Variants in DGKI observed in about 807,000 individuals in gnomAD.
DGKI encodes the protein diacylglycerol kinase iota, also known as DAG kinase iota.
In DGKI, 55 loss-of-function variants were observed where a neutral mutation model predicts 147.5. The ratio of observed to expected loss-of-function variants is 0.37; its 90% CI spans 0.30 to 0.47. DGKI has a LOEUF of 0.47. DGKI is among the 20% of genes least tolerant of loss of function. The pLI, the probability that DGKI is intolerant of heterozygous loss-of-function variation, is 1.00. For missense variants in DGKI, 1,007 were observed against 1,323.8 expected, an observed-to-expected ratio of 0.76 and a Z score of 3.71; for synonymous variants, 469 against 477.1, an observed-to-expected ratio of 0.98 and a Z score of 0.22.
intron 20 of DGKI, among the ~76,000 whole-genome samples, chr7:137,538,040 G>A (rs1817576281): frequency 6.6e-6 from 1 of 152,106 alleles, no homozygotes; most frequent in Non-Finnish European, 1.5e-5. Context: ...TCAAGTAAAT[G>A]TTAGAACAAA....
At chr7:137,692,141 C>G (rs1823636874) in intron 1 of DGKI, among the ~76,000 whole-genome samples, 1 of 152,126 alleles carries the variant, frequency 6.6e-6, no homozygotes, top group South Asian at 2.1e-4. Flanking sequence ...AGTGATCTTT[C>G]ATCTCAAAAC....
At chr7:137,654,248 G>A (rs576159393) in intron 5 of DGKI, among the ~76,000 whole-genome samples, 2 of 152,188 alleles carry the variant, frequency 1.3e-5, no homozygotes, top group Middle Eastern at 3.4e-3. Context: ...TAGGTGAGAC[G>A]CCCAAGATCA....
chr7:137,660,893 GA>G (rs1384308102), intron 3 of DGKI, among the ~76,000 whole-genome samples: 7 of 151,934 alleles, frequency 4.6e-5, no homozygotes, highest in Admixed American at 3.3e-4. Context: ...GAAAGGAGAA[GA>G]GGGGTGGGTC....
intron 27 of DGKI, among the ~76,000 whole-genome samples, chr7:137,444,746 A>G (rs1563022829): frequency 1.3e-5 from 2 of 152,210 alleles, no homozygotes. Flanking sequence ...TGATAATCAG[A>G]TCTCAAATGA....
intron 1 of DGKI, among the ~76,000 whole-genome samples, chr7:137,845,073 C>G (rs1798669850): frequency 6.6e-6 from 1 of 152,216 alleles, no homozygotes; most frequent in Non-Finnish European, 1.5e-5. Context: ...AAGAAAGATC[C>G]ATTTGGACCT....
intron 21 of DGKI, among the ~76,000 whole-genome samples, chr7:137,508,646 G>A (rs1020216478): frequency 1.3e-5 from 2 of 152,046 alleles, no homozygotes; most frequent in Non-Finnish European, 2.9e-5. Context: ...TCTGCTCCCA[G>A]ACTCATGCCA....
intron 12 of DGKI, among the ~76,000 whole-genome samples, chr7:137,587,880 A>G (rs1377580458): frequency 6.6e-6 from 1 of 152,200 alleles, no homozygotes; most frequent in East Asian, 1.9e-4. Context: ...GGAAATTGAT[A>G]CTTATATACT....
intron 21 of DGKI, among the ~76,000 whole-genome samples, chr7:137,504,726 A>G (rs1277956813): frequency 6.6e-6 from 1 of 152,206 alleles, no homozygotes; most frequent in Non-Finnish European, 1.5e-5. Flanking sequence ...TATGCATAGT[A>G]TTAAGAAACC....
At chr7:137,687,830 G>A (rs548286778) in intron 2 of DGKI, among the ~76,000 whole-genome samples, 5 of 152,134 alleles carry the variant, frequency 3.3e-5, no homozygotes, top group South Asian at 2.1e-4. Context: ...TAAGTGTTTC[G>A]TGTCATGCCA....
At chr7:137,522,388 G>GA (rs1204009402) in intron 20 of DGKI, among the ~76,000 whole-genome samples, 7 of 151,986 alleles carry the variant, frequency 4.6e-5, no homozygotes, top group Non-Finnish European at 1.5e-5. Context: ...CCCTCAGAGA[G>GA]ATGGAAAAAC....
At chr7:137,431,822 C>T (rs974647619) in intron 28 of DGKI, among the ~76,000 whole-genome samples, 1 of 152,186 alleles carries the variant, frequency 6.6e-6, no homozygotes, top group Admixed American at 6.5e-5. Context: ...CAAACCATGG[C>T]TTTTGGCAAT....
intron 22 of DGKI, among the ~76,000 whole-genome samples, chr7:137,485,958 G>C (rs977726370): frequency 6.6e-6 from 1 of 152,014 alleles, no homozygotes; most frequent in South Asian, 2.1e-4. Flanking sequence ...AAATTAACAG[G>C]GTTGAAATTA....
In DGKI at chr7:137,464,087, A is replaced by G. The variant is rs530807654; in HGVS notation, c.2613-476T>C. Reference sequence around the variant, plus strand: ...AGCATTTGGCCATTATTTGACATGAAGAAAACGACCATACAAAAAATTAGC... The same window carrying G: ...AGCATTTGGCCATTATTTGACATGAGGAAAACGACCATACAAAAAATTAGC... On this transcript the variant is annotated intron_variant, in intron 26 of 32. Coordinates refer to ENST00000614521, the MANE Select transcript of DGKI (RefSeq NM_001321708.2). 2.0e-5 allele frequency among the ~76,000 whole-genome samples: 3 copies of G among 151,906 alleles called. No homozygotes were observed. In the South Asian group the frequency reaches 6.2e-4, roughly 32 times the overall value.
intron 28 of DGKI, among the ~76,000 whole-genome samples, chr7:137,428,970 A>G (rs1475789177): frequency 1.3e-5 from 2 of 152,158 alleles, no homozygotes; most frequent in African/African-American, 4.8e-5. Context: ...GAAAATGGCC[A>G]TACTGCCCAA....
chr7:137,689,921 C>T lies in DGKI; in HGVS notation c.483G>A (p.Lys161=). Residue 161 remains lysine, a synonymous_variant, in exon 2 of 33, where the codon AAG becomes AAA. Transcript: ENST00000614521. ...TCCAGTCCAAAGTCGCTCTGGGCTC[C>T]TTGGCTGGACCATTTGCCACAGGAA... ...LSLPVANGPA[K]EPRATLDWSE... is the part of the protein sequence containing the mutation. 6.2e-7 allele frequency: 1 copy of T among 1,605,052 alleles called. No homozygotes were observed. Among genetic ancestry groups the T allele is most frequent in the Non-Finnish European group, 8.5e-7 (1 of 1,175,972 alleles).
At position 137,597,487 on chromosome 7, in the gene DGKI, G is replaced by A. The variant is rs182398979; in HGVS notation, c.1311+360C>T. The stretch of plus-strand genomic sequence containing the variant: ...AACATAATAATTCAATTGTGTCCAC[G>A]TATTTCTCCCTACTGTGGCCAAATT... On this transcript the variant is annotated intron_variant, in intron 12 of 32. Coordinates refer to ENST00000614521, the MANE Select transcript of DGKI (RefSeq NM_001321708.2). Among the ~76,000 whole-genome samples, 34 of 151,502 alleles carry A rather than the reference G, an allele frequency of 2.2e-4. No homozygotes were observed. The East Asian group carries it at 4.3e-3, about 19-fold the overall frequency.
At chr7:137,689,766 T>C in intron 2 of DGKI, 128 bp downstream of exon 2, 5 of 540,370 alleles carry the variant, frequency 9.3e-6, no homozygotes, top group Non-Finnish European at 1.5e-5. Context: ...CTAAGGTATC[T>C]GAGGACAGGT....
intron 27 of DGKI, among the ~76,000 whole-genome samples, chr7:137,449,743 C>A (rs1813876694): frequency 6.6e-6 from 1 of 152,132 alleles, no homozygotes; most frequent in Admixed American, 6.5e-5. Flanking sequence ...AAAAATAGAA[C>A]TACCATATGA....
chr7:137,470,784 A>T (rs567019368), intron 23 of DGKI, among the ~76,000 whole-genome samples: 1 of 152,108 alleles, frequency 6.6e-6, no homozygotes, highest in Admixed American at 6.6e-5. Flanking sequence ...TATGTTTATT[A>T]TCTCCTGCTC....
Sources: gnomAD v4.1 joint callset for allele counts (sites outside exome capture counted in the v4.1 genomes callset) on GRCh38, gnomAD v4.1.1 for gene constraint, MANE v1.5 for transcripts, NCBI Gene and HGNC (gene_info 2026-07-23, HGNC 2026-07-21) for gene names.